Variants in ATP13A4 observed in about 807,000 individuals in gnomAD.
ATP13A4 encodes probable cation-transporting ATPase 13A4.
In ATP13A4, 114 loss-of-function variants were observed where a neutral mutation model predicts 142.5. The ratio of observed to expected loss-of-function variants is 0.80; its 90% CI spans 0.69 to 0.93. The LOEUF (loss-of-function observed/expected upper bound fraction) is 0.93, where lower values mean the gene tolerates loss of function less well. Ranked by LOEUF, ATP13A4 falls within the 40% of genes least tolerant of loss-of-function variation. The pLI is 0.00. For missense variants in ATP13A4, 1,392 were observed against 1,454.0 expected (o/e 0.96, Z 0.69); for synonymous variants, 488 against 514.8 (o/e 0.95, Z 0.70).
At chr3:193,431,334 T>G (rs1715960339) in intron 25 of ATP13A4, among the ~76,000 whole-genome samples, 1 of 152,082 alleles carries the variant, frequency 6.6e-6, no homozygotes, top group Non-Finnish European at 1.5e-5. Context: ...TAATTCCTAT[T>G]AAATACCCAT....
intron 25 of ATP13A4, among the ~76,000 whole-genome samples, chr3:193,416,566 A>G (rs986422766): frequency 6.6e-6 from 1 of 152,198 alleles, no homozygotes; most frequent in Non-Finnish European, 1.5e-5. Context: ...GCAAACTTGC[A>G]AACTTCAGCA....
At chr3:193,557,069 T>A (rs1382041622), upstream of ATP13A4, among the ~76,000 whole-genome samples, 2 of 152,182 alleles carry the variant, frequency 1.3e-5, no homozygotes, top group South Asian at 4.1e-4. Flanking sequence ...CGTTGTGGGA[T>A]TGAGATGAGT....
intron 25 of ATP13A4, among the ~76,000 whole-genome samples, chr3:193,426,546 T>A (rs1360732487): frequency 1.3e-5 from 2 of 151,824 alleles, no homozygotes; most frequent in Non-Finnish European, 2.9e-5. Context: ...AGTCCCTAAA[T>A]CGTTTCTAAA....
intron 12 of ATP13A4, among the ~76,000 whole-genome samples, 200 bp from the exon 13 acceptor site, chr3:193,463,023 C>T (rs550562707): frequency 2.6e-5 from 4 of 151,292 alleles, no homozygotes; most frequent in East Asian, 1.9e-4. Flanking sequence ...GCGAAGACTC[C>T]GTAGTGCAGA....
At chr3:193,422,439 G>A (rs1293644905) in intron 25 of ATP13A4, among the ~76,000 whole-genome samples, 2 of 100,442 alleles carry the variant, frequency 2.0e-5, no homozygotes, top group African/African-American at 3.4e-5. Context: ...ATTTTCTAAT[G>A]CGCATGGAAC....
chr3:193,529,127 G>A (rs1221771019), intron 1 of ATP13A4, among the ~76,000 whole-genome samples: 2 of 151,968 alleles, frequency 1.3e-5, no homozygotes, highest in African/African-American at 4.8e-5. Context: ...AAAATTAGCC[G>A]GCAATGGTGG....
In ATP13A4 at chr3:193,516,027, C is replaced by T. The variant is rs78602386; in HGVS notation, c.61-1156G>A. On this transcript the variant is annotated intron_variant, in intron 1 of 29. Transcript: ENST00000342695. ...TGTTGCCCTATGTAAGCATTTACTA[C>T]GGCTGTTGCTGCTATTACTTGATCA... Among the ~76,000 whole-genome samples the T allele has an allele frequency of 5.5e-3, 839 of 152,272 alleles. 15 individuals carry two copies. The East Asian group carries it at 0.07, about 13-fold the overall frequency.
At chr3:193,589,374 A>G (rs1291619507) in intron 1 of ATP13A4, among the ~76,000 whole-genome samples, 1 of 152,176 alleles carries the variant, frequency 6.6e-6, no homozygotes, top group Non-Finnish European at 1.5e-5. Flanking sequence ...TTCTCCAGGA[A>G]ACCACAAAGA....
intron 1 of ATP13A4, among the ~76,000 whole-genome samples, chr3:193,529,259 G>T (rs1451235378): frequency 2.0e-5 from 3 of 148,516 alleles, no homozygotes; most frequent in African/African-American, 5.0e-5. Flanking sequence ...GACAGAGCAA[G>T]ACTCTGTCTC....
At chr3:193,464,311 G>C (rs1482990837) in intron 12 of ATP13A4, among the ~76,000 whole-genome samples, 7 of 152,128 alleles carry the variant, frequency 4.6e-5, no homozygotes, top group Non-Finnish European at 8.8e-5. Context: ...GCCCTGAAAG[G>C]CATTTCCATC....
intron 7 of ATP13A4, among the ~76,000 whole-genome samples, chr3:193,485,316 G>C (rs1279440466): frequency 2.0e-5 from 3 of 151,514 alleles, no homozygotes; most frequent in African/African-American, 7.3e-5. Flanking sequence ...ACACGTACAG[G>C]TGGAGCAGCA....
intron 1 of ATP13A4, among the ~76,000 whole-genome samples, chr3:193,537,061 C>T (rs1194755960): frequency 6.6e-6 from 1 of 151,906 alleles, no homozygotes; most frequent in Non-Finnish European, 1.5e-5. Flanking sequence ...CAATGCAATA[C>T]CTATCAAAAT....
At chr3:193,459,297 T>A (rs1560202597) in intron 13 of ATP13A4, 66 bp from the exon 14 acceptor site, 6 of 1,580,922 alleles carry the variant, frequency 3.8e-6, no homozygotes, top group Non-Finnish European at 5.2e-6. Flanking sequence ...ATCTTGGAGG[T>A]GAACAAACAT....
chr3:193,448,412 T>A, intron 17 of ATP13A4, 82 bp from the exon 18 acceptor site: 1 of 1,552,116 alleles, frequency 6.4e-7, no homozygotes, highest in Non-Finnish European at 8.8e-7. Context: ...CGCTCTGTCA[T>A]CCAGGCTGGA....
intron 9 of ATP13A4, among the ~76,000 whole-genome samples, 196 bp downstream of exon 9, chr3:193,470,659 TAGAA>T (rs1385817389): frequency 6.6e-6 from 1 of 152,144 alleles, no homozygotes; most frequent in Non-Finnish European, 1.5e-5. Flanking sequence ...ACTTAACACA[TAGAA>T]AGAGCTTTAA....
intron 2 of ATP13A4, among the ~76,000 whole-genome samples, chr3:193,509,368 T>G (rs1299859695): frequency 1.3e-5 from 2 of 152,202 alleles, no homozygotes; most frequent in Non-Finnish European, 1.5e-5. Flanking sequence ...AGAACCCTGG[T>G]TTTATTAATC....
At chr3:193,419,551 A>C in intron 25 of ATP13A4, among the ~76,000 whole-genome samples, 1 of 104,052 alleles carries the variant, frequency 9.6e-6, no homozygotes, top group African/African-American at 2.9e-5. Flanking sequence ...GTCATACCTC[A>C]CTTCCCCGAC....
rs946938473 is a variant in ATP13A4, at chr3:193,402,826, A to G, written c.3417T>C (p.Ile1139=). 2.5e-6 allele frequency: 4 copies of G among 1,614,128 alleles called. No individual in the cohort carries two copies. Among genetic ancestry groups the G allele is most frequent in the Non-Finnish European group, 2.5e-6 (3 of 1,179,996 alleles). ...TTGACTGATAGCCGAAACATCTTTTAATCATCATCCACAGGGCTCGATTTT... is the reference window on the plus strand; with the variant it reads ...TTGACTGATAGCCGAAACATCTTTTGATCATCATCCACAGGGCTCGATTTT... ...VIENRALWMM[I]KRCFGYQSKS... Residue 1139 remains isoleucine (I), a synonymous_variant, in exon 30 of 30, where the codon ATT becomes ATC. Transcript: ENST00000342695.
intron 15 of ATP13A4, 26 bp from the exon 16 acceptor site, chr3:193,457,179 G>A: frequency 6.2e-7 from 1 of 1,612,318 alleles, no homozygotes; most frequent in African/African-American, 1.3e-5. Context: ...GGAAAGGAGA[G>A]GAACATGCTG....
Sources: allele counts gnomAD v4.1 joint callset (sites outside exome capture counted in the v4.1 genomes callset), GRCh38; gene constraint gnomAD v4.1.1; transcripts MANE v1.5; gene names NCBI Gene and HGNC (gene_info 2026-07-23, HGNC 2026-07-21).